The following PPP3CC variants were observed in gnomAD, a reference collection of about 807,000 sequenced individuals.
PPP3CC encodes the protein protein phosphatase 3 catalytic subunit gamma, also known as serine/threonine-protein phosphatase 2B catalytic subunit gamma isoform.
Under a neutral mutation model 60.3 loss-of-function variants are expected in PPP3CC, and 35 were observed. That is an observed-to-expected ratio of 0.58 (90% CI 0.44 to 0.77). PPP3CC has a LOEUF of 0.77. PPP3CC is among the 30% of genes least tolerant of loss of function. The pLI is 0.00. For missense variants in PPP3CC, 570 were observed against 628.9 expected, an observed-to-expected ratio of 0.91 and a Z score of 1.00; for synonymous variants, 206 against 224.3, an observed-to-expected ratio of 0.92 and a Z score of 0.73.
chr8:22,475,480 C>T lies in PPP3CC; in HGVS notation c.248-20C>T. The T allele has an allele frequency of 6.2e-7, 1 of 1,601,442 alleles. No homozygotes were observed. The highest frequency in any genetic ancestry group is 1.1e-5 in the South Asian group (1 of 89,256). The stretch of plus-strand genomic sequence containing the variant: ...TTCTAAGGTATAATTTCTCACATCA[C>T]TTTATGCTTTTTTTCCTAGTATGTG... On this transcript the variant is annotated intron_variant, in intron 2 of 13. Transcript: ENST00000240139.
intron 3 of PPP3CC, among the ~76,000 whole-genome samples, chr8:22,475,945 G>C (rs1313505879): frequency 6.6e-6 from 1 of 152,128 alleles, no homozygotes; most frequent in Non-Finnish European, 1.5e-5. Flanking sequence ...CCTAAATGGG[G>C]TTTAGATTAG....
At chr8:22,512,409 T>C (rs1344416994) in intron 5 of PPP3CC, among the ~76,000 whole-genome samples, 1 of 152,226 alleles carries the variant, frequency 6.6e-6, no homozygotes, top group African/African-American at 2.4e-5. Context: ...ATTACTTGTT[T>C]TCTCTTGGTT....
At chr8:22,517,835 TTCTATTC>T (rs1379502531) in intron 6 of PPP3CC, among the ~76,000 whole-genome samples, 1 of 152,074 alleles carries the variant, frequency 6.6e-6, no homozygotes, top group East Asian at 1.9e-4. Flanking sequence ...TCTGTTGTTT[TTCTATTC>T]TCTATTTGAT....
chr8:22,504,429 G>T (rs758734518), intron 4 of PPP3CC, among the ~76,000 whole-genome samples: 1 of 152,044 alleles, frequency 6.6e-6, no homozygotes, highest in Non-Finnish European at 1.5e-5. Flanking sequence ...AGCTTCCCGA[G>T]TAGCTGGGAC....
rs12548863 is a variant in PPP3CC at position 22,452,809 on chromosome 8, A to G, written c.49+11351A>G. ...TGTTATGGTAGGTGCTGCTGCCGCCATCGCTATCATCATCATCATCATAAG... is the reference window on the plus strand; with the variant it reads ...TGTTATGGTAGGTGCTGCTGCCGCCGTCGCTATCATCATCATCATCATAAG... On this transcript the variant is annotated intron_variant, in intron 1 of 13. Transcript: ENST00000240139. 4.4e-5 allele frequency among the ~76,000 whole-genome samples: 6 copies of G among 135,270 alleles called. No individual in the cohort carries two copies. The East Asian group carries it at 1.5e-3, about 33-fold the overall frequency. 88.7% of individuals were successfully genotyped at this position (135,270 alleles called of 152,430 possible). A position where few individuals can be genotyped will look rare whatever the true frequency, so the allele number is the denominator to read the frequency against.
chr8:22,454,414 C>A (rs1458950554), intron 1 of PPP3CC, among the ~76,000 whole-genome samples: 1 of 152,124 alleles, frequency 6.6e-6, no homozygotes, highest in African/African-American at 2.4e-5. Context: ...TCCTGAAGGA[C>A]CTGTCTGGGG....
Position 22,472,363 on chromosome 8 carries a change from AACACACAC to A in PPP3CC, c.50-2554_50-2547del, listed in dbSNP as rs71546810. ...CTTTTAGAATATTTTGGTAAAAATG[AACACACAC>A]ACACACACACACACACACACACACA... On this transcript the variant is annotated intron_variant, in intron 1 of 13. Transcript: ENST00000240139. 1.8e-3 allele frequency among the ~76,000 whole-genome samples: 232 copies of A among 125,696 alleles called. 1 individual carries two copies. The highest frequency in any genetic ancestry group is 6.4e-3 in the African/African-American group (207 of 32,440). 82.5% of individuals were successfully genotyped at this position (125,696 alleles called of 152,430 possible). A position where few individuals can be genotyped will look rare whatever the true frequency, so the allele number is the denominator to read the frequency against.
At chr8:22,486,139 A>G (rs150997899) in intron 3 of PPP3CC, among the ~76,000 whole-genome samples, 175 of 152,300 alleles carry the variant, frequency 1.1e-3, no homozygotes, top group African/African-American at 3.5e-3. Flanking sequence ...AATGATATAA[A>G]TACCTTAATT....
At chr8:22,513,883 G>C (rs1248713175) in intron 6 of PPP3CC, among the ~76,000 whole-genome samples, 1 of 152,188 alleles carries the variant, frequency 6.6e-6, no homozygotes, top group African/African-American at 2.4e-5. Flanking sequence ...ACTAAGCCCA[G>C]TACATTTCCT....
At chr8:22,474,827 C>T (rs983051058) in intron 1 of PPP3CC, 127 bp from the exon 2 acceptor site, 12 of 523,654 alleles carry the variant, frequency 2.3e-5, no homozygotes, top group Admixed American at 2.0e-4. Flanking sequence ...TTTTTCCCCA[C>T]GTACTGGTGC....
At chr8:22,471,006 C>T (rs1837705221) in intron 1 of PPP3CC, among the ~76,000 whole-genome samples, 1 of 152,190 alleles carries the variant, frequency 6.6e-6, no homozygotes, top group African/African-American at 2.4e-5. Context: ...CATACATTGT[C>T]TGCCCTTACC....
At chr8:22,466,478 C>T (rs1837526143) in intron 1 of PPP3CC, among the ~76,000 whole-genome samples, 1 of 152,222 alleles carries the variant, frequency 6.6e-6, no homozygotes, top group East Asian at 1.9e-4. Context: ...ACATCCTCTC[C>T]AGCATCTGTT....
rs558124203 is a variant in PPP3CC at position 22,510,619 on chromosome 8, ATC to A, written c.485-461_485-460del. Among the ~76,000 whole-genome samples, 504 of 152,304 alleles carry A rather than the reference ATC, an allele frequency of 3.3e-3. 3 individuals carry two copies. Among genetic ancestry groups the A allele is most frequent in the African/African-American group, 0.011 (478 of 41,570 alleles). ...GCATACCGCAGTCCAGCAGCTTTCC[ATC>A]TCTCTTGCCCCCTCCCATCTTCTCA... On this transcript the variant is annotated intron_variant, in intron 4 of 13. Coordinates refer to ENST00000240139, the MANE Select transcript of PPP3CC (RefSeq NM_005605.5).
chr8:22,525,112 C>T (rs1839503544), intron 8 of PPP3CC, among the ~76,000 whole-genome samples: 1 of 151,992 alleles, frequency 6.6e-6, no homozygotes, highest in Non-Finnish European at 1.5e-5. Context: ...GATCACACCA[C>T]TGCATTCCAG....
chr8:22,514,610 A>G (rs892386186), intron 6 of PPP3CC, among the ~76,000 whole-genome samples: 1 of 151,006 alleles, frequency 6.6e-6, no homozygotes, highest in African/African-American at 2.4e-5. Flanking sequence ...CACCTCAAGC[A>G]TTTATCCTTT....
chr8:22,537,622 G>A (rs1021396852), intron 12 of PPP3CC, among the ~76,000 whole-genome samples: 2 of 152,066 alleles, frequency 1.3e-5, no homozygotes, highest in Non-Finnish European at 2.9e-5. Context: ...TTCATAAATG[G>A]CATTCAACAT....
chr8:22,473,762 G>A (rs1215186681), intron 1 of PPP3CC, among the ~76,000 whole-genome samples: 5 of 151,348 alleles, frequency 3.3e-5, no homozygotes, highest in Admixed American at 6.6e-5. Context: ...CACCACACCC[G>A]GCCCCTTATC....
At chr8:22,446,888 T>C (rs1321889881) in intron 1 of PPP3CC, among the ~76,000 whole-genome samples, 2 of 151,640 alleles carry the variant, frequency 1.3e-5, no homozygotes, top group African/African-American at 2.4e-5. Flanking sequence ...AATTCCGGGA[T>C]TTGTAGTCAT....
intron 3 of PPP3CC, among the ~76,000 whole-genome samples, chr8:22,479,381 A>C (rs1837993484): frequency 1.3e-5 from 2 of 152,154 alleles, no homozygotes; most frequent in Non-Finnish European, 2.9e-5. Context: ...GTTTTCAAGA[A>C]AATTGAGAGC....
Sources: allele counts gnomAD v4.1 joint callset (sites outside exome capture counted in the v4.1 genomes callset), GRCh38; gene constraint gnomAD v4.1.1; transcripts MANE v1.5; gene names NCBI Gene and HGNC (gene_info 2026-07-23, HGNC 2026-07-21).